The following CNTNAP2 variants were observed in gnomAD, a reference collection of about 807,000 sequenced individuals.
CNTNAP2 encodes contactin associated protein 2, also known as contactin-associated protein-like 2.
Under a neutral mutation model 155.2 loss-of-function variants are expected in CNTNAP2, and 98 were observed. That is an observed-to-expected ratio of 0.63 (90% CI 0.54 to 0.75). CNTNAP2 has a LOEUF of 0.75. CNTNAP2 is among the 30% of genes least tolerant of loss of function. CNTNAP2 has a pLI of 0.00. For missense variants in CNTNAP2, 1,727 were observed against 1,688.1 expected (o/e 1.02, Z -0.40); for synonymous variants, 651 against 631.2 (o/e 1.03, Z -0.47).
At chr7:146,471,498 C>T (rs957743489) in intron 1 of CNTNAP2, among the ~76,000 whole-genome samples, 1 of 152,198 alleles carries the variant, frequency 6.6e-6, no homozygotes, top group African/African-American at 2.4e-5. Flanking sequence ...TTTCTGATGG[C>T]AAAAATGTAA....
At chr7:146,895,823 G>A (rs1795867067) in intron 3 of CNTNAP2, among the ~76,000 whole-genome samples, 1 of 152,034 alleles carries the variant, frequency 6.6e-6, no homozygotes, top group African/African-American at 2.4e-5. Flanking sequence ...CCTGAATAAA[G>A]CTATTTTGAG....
At chr7:146,369,769 CT>C (rs1466296497) in intron 1 of CNTNAP2, among the ~76,000 whole-genome samples, 6 of 152,044 alleles carry the variant, frequency 3.9e-5, no homozygotes, top group Admixed American at 1.3e-4. Context: ...TTTGATGCCC[CT>C]ATCTTGTTAA....
intron 15 of CNTNAP2, among the ~76,000 whole-genome samples, chr7:148,070,317 A>C (rs956638679): frequency 6.6e-6 from 1 of 152,278 alleles, no homozygotes; most frequent in African/African-American, 2.4e-5. Flanking sequence ...CTAGCATATT[A>C]AGGAATGAAG....
intron 13 of CNTNAP2, among the ~76,000 whole-genome samples, chr7:147,849,322 C>T (rs1389926981): frequency 6.6e-6 from 1 of 152,146 alleles, no homozygotes; most frequent in Non-Finnish European, 1.5e-5. Flanking sequence ...ATTTTCATTT[C>T]TCAGCATCAT....
intron 1 of CNTNAP2, among the ~76,000 whole-genome samples, chr7:146,380,035 T>C (rs1795359013): frequency 6.6e-6 from 1 of 152,210 alleles, no homozygotes; most frequent in South Asian, 2.1e-4. Context: ...GTATTCTCTT[T>C]CCTTTTCAGG....
intron 22 of CNTNAP2, among the ~76,000 whole-genome samples, chr7:148,407,124 G>C (rs1289499027): frequency 6.6e-6 from 1 of 151,588 alleles, no homozygotes; most frequent in Non-Finnish European, 1.5e-5. Flanking sequence ...GTTTAAAAAA[G>C]AAAGCCAAGG....
chr7:146,449,631 A>G lies in CNTNAP2; in HGVS notation c.98-324640A>G, dbSNP rs77630074. ...TGGTAGCCCTAGCTAGCCCTTTGAT[A>G]TCACAAACACATATGTGATAATGGG... is the stretch of plus-strand genomic sequence containing the variant. On this transcript the variant is annotated intron_variant, in intron 1 of 23. Transcript: ENST00000361727. Among the ~76,000 whole-genome samples, 786 of 152,302 alleles carry G rather than the reference A, an allele frequency of 5.2e-3. 14 individuals are homozygous for G. The highest frequency in any genetic ancestry group is 0.044 in the Middle Eastern group (13 of 294).
chr7:147,908,644 C>G (rs919173263), intron 14 of CNTNAP2, among the ~76,000 whole-genome samples: 1 of 152,182 alleles, frequency 6.6e-6, no homozygotes, highest in Non-Finnish European at 1.5e-5. Context: ...TCTCCAAACA[C>G]AGAGAAGGGC....
chr7:146,281,119 AT>A (rs1454338955), intron 1 of CNTNAP2, among the ~76,000 whole-genome samples: 2 of 152,116 alleles, frequency 1.3e-5, no homozygotes, highest in African/African-American at 4.8e-5. Context: ...TCTATGTTTA[AT>A]TTTTTAGATC....
intron 1 of CNTNAP2, among the ~76,000 whole-genome samples, chr7:146,737,061 T>A (rs1015002765): frequency 1.3e-5 from 2 of 152,144 alleles, no homozygotes; most frequent in Non-Finnish European, 2.9e-5. Flanking sequence ...TAAATATGAT[T>A]ATTATTTACG....
In CNTNAP2 at chr7:147,118,279, A is replaced by G. The variant is rs6963145; in HGVS notation, c.755-2700A>G. ...TCGGACACTTGAAATCTCTTACAAT[A>G]CAGTATTTTGGTCCAAAAATCATAA... On this transcript the variant is annotated intron_variant, in intron 5 of 23. Transcript: ENST00000361727. Among the ~76,000 whole-genome samples, 1,415 of 152,300 alleles carry G rather than the reference A, an allele frequency of 9.3e-3. 25 individuals carry two copies. The highest frequency in any genetic ancestry group is 0.032 in the African/African-American group (1,346 of 41,558).
At chr7:148,196,575 T>A (rs1795282056) in intron 18 of CNTNAP2, among the ~76,000 whole-genome samples, 1 of 152,202 alleles carries the variant, frequency 6.6e-6, no homozygotes, top group South Asian at 2.1e-4. Flanking sequence ...CTAAGTGTAT[T>A]AATTAACTCA....
At chr7:148,193,485 AT>A (rs1041903375) in intron 18 of CNTNAP2, among the ~76,000 whole-genome samples, 6 of 151,816 alleles carry the variant, frequency 4.0e-5, no homozygotes, top group Middle Eastern at 3.4e-3. Flanking sequence ...CATTTTCATA[AT>A]TTTTTTTTGT....
intron 8 of CNTNAP2, among the ~76,000 whole-genome samples, chr7:147,280,490 G>A (rs1036358680): frequency 2.0e-5 from 3 of 151,946 alleles, no homozygotes; most frequent in South Asian, 2.1e-4. Flanking sequence ...AGAGAATAAT[G>A]ATGTTCAGCT....
intron 1 of CNTNAP2, among the ~76,000 whole-genome samples, chr7:146,351,588 A>G (rs1311110160): frequency 2.6e-5 from 4 of 152,128 alleles, no homozygotes; most frequent in Admixed American, 1.3e-4. Context: ...AAACCCCTCA[A>G]CTAAACCTCT....
At chr7:147,025,441 G>GGGGAGGA (rs1798895374) in intron 3 of CNTNAP2, among the ~76,000 whole-genome samples, 1 of 6,838 alleles carries the variant, frequency 1.5e-4, no homozygotes, top group Non-Finnish European at 2.4e-4. Context: ...GGGGAGGGGA[G>GGGGAGGA]GGGAGGGGAG....
At chr7:147,688,231 A>G (rs1796040950) in intron 13 of CNTNAP2, among the ~76,000 whole-genome samples, 2 of 152,190 alleles carry the variant, frequency 1.3e-5, no homozygotes, top group African/African-American at 4.8e-5. Context: ...ATAAAGAGAG[A>G]AATTGTAGAA....
intron 1 of CNTNAP2, among the ~76,000 whole-genome samples, chr7:146,281,573 G>A (rs757170551): frequency 2.0e-5 from 3 of 152,204 alleles, no homozygotes; most frequent in Non-Finnish European, 4.4e-5. Context: ...GAGGCGGGTG[G>A]ATCACAAGGT....
chr7:146,143,269 T>C (rs1797906877), intron 1 of CNTNAP2, among the ~76,000 whole-genome samples: 1 of 152,196 alleles, frequency 6.6e-6, no homozygotes, highest in Non-Finnish European at 1.5e-5. Context: ...TTTAAAAGTC[T>C]TTGAAAATAA....
Sources: allele counts gnomAD v4.1 joint callset (sites outside exome capture counted in the v4.1 genomes callset), GRCh38; gene constraint gnomAD v4.1.1; transcripts MANE v1.5; gene names NCBI Gene and HGNC (gene_info 2026-07-23, HGNC 2026-07-21).